ZWILCH: variants seen among roughly 807,000 people sequenced by gnomAD.
ZWILCH encodes zwilch kinetochore protein.
In ZWILCH, 74 loss-of-function variants were observed where a neutral mutation model predicts 79.9. That is an observed-to-expected ratio of 0.93 (90% confidence interval 0.77 to 1.12). The LOEUF (loss-of-function observed/expected upper bound fraction) is 1.12, where lower values mean the gene tolerates loss of function less well. Ranked by LOEUF, ZWILCH falls within the 50% of genes most tolerant of loss-of-function variation. The pLI is 0.00. For synonymous variants in ZWILCH, 241 were observed against 228.2 expected (o/e 1.06, Z -0.51); for missense variants, 694 against 687.5 (o/e 1.01, Z -0.11).
At position 66,522,431 on chromosome 15, in the gene ZWILCH, G is replaced by A. The variant is rs77797620; in HGVS notation, c.747+1226G>A. The stretch of plus-strand genomic sequence containing the variant: ...TTACTGCAGTCTCTGCCTCCCTCCC[G>A]GGTTCAAGCAGTTCTCCTGCCTCAG... On this transcript the variant is annotated intron_variant, in intron 7 of 18. Transcript: ENST00000307897. 5.4e-3 allele frequency among the ~76,000 whole-genome samples: 811 copies of A among 149,180 alleles called. 8 individuals are homozygous for A. Among genetic ancestry groups the A allele is most frequent in the African/African-American group, 0.019 (775 of 40,366 alleles).
At chr15:66,547,226 C>T (rs1191762190) in intron 18 of ZWILCH, 2 of 127,730 alleles carry the variant, frequency 1.6e-5, no homozygotes, top group African/African-American at 6.0e-5. Context: ...GAGACACAGT[C>T]CCGCTCTGTC....
At chr15:66,520,750 G>A (rs766950429) in intron 6 of ZWILCH, 90 bp downstream of exon 6, 53 of 826,362 alleles carry the variant, frequency 6.4e-5, no homozygotes, top group Non-Finnish European at 7.6e-5. Flanking sequence ...CTCCTAAGAT[G>A]ACTAGATATT....
intron 5 of ZWILCH, among the ~76,000 whole-genome samples, chr15:66,519,354 T>C (rs955698730): frequency 3.3e-5 from 5 of 152,250 alleles, no homozygotes; most frequent in Middle Eastern, 3.2e-3. Context: ...AAAAATTTCA[T>C]TGGAAGATAC....
intron 15 of ZWILCH, among the ~76,000 whole-genome samples, chr15:66,536,589 A>G (rs1895022537): frequency 6.6e-6 from 1 of 152,184 alleles, no homozygotes; most frequent in Non-Finnish European, 1.5e-5. Flanking sequence ...GAGGCCTCAA[A>G]CTAGGAAGTG....
chr15:66,536,158 T>A (rs1895011050), intron 15 of ZWILCH, 89 bp downstream of exon 15: 2 of 1,191,922 alleles, frequency 1.7e-6, no homozygotes, highest in East Asian at 5.1e-5. Context: ...TATTACCAGT[T>A]AGGATAGAAC....
intron 14 of ZWILCH, 125 bp from the exon 15 acceptor site, chr15:66,535,808 T>C (rs1226646581): frequency 1.4e-6 from 1 of 711,914 alleles, no homozygotes; most frequent in Non-Finnish European, 2.2e-6. Context: ...CTTCTTCTGG[T>C]CTTTTTTTTT....
intron 14 of ZWILCH, among the ~76,000 whole-genome samples, 153 bp from the exon 15 acceptor site, chr15:66,535,780 G>A (rs1217933668): frequency 6.6e-6 from 1 of 151,064 alleles, no homozygotes; most frequent in Non-Finnish European, 1.5e-5. Context: ...GTATTGAAAG[G>A]TGAGAAATTC....
Position 66,548,506 on chromosome 15 carries a change from A to G in ZWILCH, c.*182A>G. The G allele has an allele frequency of 1.9e-6, 3 of 1,601,650 alleles. No homozygotes were observed. Among genetic ancestry groups the G allele is most frequent in the Non-Finnish European group, 8.6e-7 (1 of 1,169,214 alleles). ...AATCCTGTCTCAGCTCTGCCTCCTC[A>G]GGAGGAGCATTAGTAGAACAGCAGT... is the stretch of plus-strand genomic sequence containing the variant. On this transcript the variant is annotated 3_prime_UTR_variant, in exon 19 of 19. Coordinates refer to ENST00000307897, the MANE Select transcript of ZWILCH (RefSeq NM_017975.5).
chr15:66,506,832 TC>T, intron 1 of ZWILCH, among the ~76,000 whole-genome samples: 1 of 150,654 alleles, frequency 6.6e-6, no homozygotes, highest in Non-Finnish European at 1.5e-5. Context: ...AATAAATAAG[TC>T]CTCTATTGAT....
Position 66,537,168 on chromosome 15 carries a change from G to C in ZWILCH, c.1479G>C (p.Gln493His). 1.2e-6 allele frequency: 2 copies of C among 1,609,964 alleles called. No individual in the cohort carries two copies. Among genetic ancestry groups the C allele is most frequent in the Non-Finnish European group, 1.7e-6 (2 of 1,178,486 alleles). ...SQHELLFSLT[Q>H]ICIKYYKQNP... ...AAGAGGTTCCATTTTGTTTTTTCAG[G>C]ATCTGCATAAAGTATTACAAACAAA... Residue 493 changes from glutamine to histidine, a missense_variant and splice_region_variant, in exon 16 of 19, where the codon CAG becomes CAC. By Grantham distance (24) the Gln-to-His change is conservative. Coordinates refer to ENST00000307897, the MANE Select transcript of ZWILCH (RefSeq NM_017975.5).
rs1895507606 is a variant in ZWILCH at position 66,549,369 on chromosome 15, A to G, written c.*1045A>G. On this transcript the variant is annotated 3_prime_UTR_variant, in exon 19 of 19. Transcript: ENST00000307897. Reference sequence around the variant, plus strand: ...CTGTAAAAATAGCTAGTTTGGTAAGATTTGGTCTCGCACCTTCCATCTTTG... The same window carrying G: ...CTGTAAAAATAGCTAGTTTGGTAAGGTTTGGTCTCGCACCTTCCATCTTTG... 6.6e-6 allele frequency: 1 copy of G among 152,182 alleles called. No homozygotes were observed. Among genetic ancestry groups the G allele is most frequent in the South Asian group, 2.1e-4 (1 of 4,830 alleles). The allele number at this position is 152,182 out of a possible 1,614,324, so 9.4% of individuals were successfully genotyped here.
At chr15:66,536,697 A>G (rs1457054693) in intron 15 of ZWILCH, among the ~76,000 whole-genome samples, 1 of 152,062 alleles carries the variant, frequency 6.6e-6, no homozygotes, top group East Asian at 1.9e-4. Context: ...TAGAGGGGAA[A>G]GTTTGAAATT....
chr15:66,521,069 C>G lies in ZWILCH; in HGVS notation c.611C>G (p.Ala204Gly). 1 of 1,614,098 alleles carries G rather than the reference C, an allele frequency of 6.2e-7. No individual in the cohort carries two copies. Among genetic ancestry groups the G allele is most frequent in the Admixed American group, 1.7e-5 (1 of 60,014 alleles). ...HLSTVTSKGF[A>G]QYELFKSSAL... ...TTTCAGGTAACATCCAAAGGCTTTG[C>G]CCAGTATGAGCTCTTTAAGTCCTCT... The change falls in exon 7 of 19, where the codon GCC (alanine) becomes GGC (glycine). Residue 204 changes from alanine (A) to glycine (G), a missense_variant. Ala to Gly is a moderately conservative substitution (Grantham distance 60, BLOSUM62 0). Coordinates refer to ENST00000307897, the MANE Select transcript of ZWILCH (RefSeq NM_017975.5).
At chr15:66,522,097 C>T (rs1894514236) in intron 7 of ZWILCH, among the ~76,000 whole-genome samples, 2 of 151,704 alleles carry the variant, frequency 1.3e-5, no homozygotes, top group Non-Finnish European at 2.9e-5. Context: ...ACTCGGGAGG[C>T]TGAGGCAGAA....
chr15:66,535,859 G>T, intron 14 of ZWILCH, 74 bp from the exon 15 acceptor site: 2 of 1,310,296 alleles, frequency 1.5e-6, no homozygotes, highest in South Asian at 1.6e-5. Context: ...AGGTGTAGAA[G>T]GCATACCTAT....
At chr15:66,542,413 G>A (rs35254109) in intron 17 of ZWILCH, among the ~76,000 whole-genome samples, 10,530 of 152,132 alleles carry the variant, frequency 0.069, 424 homozygotes, top group Middle Eastern at 0.11. Context: ...GTGAAACTCC[G>A]TCTCTACTGA....
chr15:66,532,446 A>G, intron 13 of ZWILCH, 43 bp downstream of exon 13: 1 of 1,534,106 alleles, frequency 6.5e-7, no homozygotes, highest in Non-Finnish European at 8.9e-7. Context: ...AACACATCAC[A>G]GTTATCAGTC....
In ZWILCH at chr15:66,522,665, C is replaced by A. The variant is rs150680225; in HGVS notation, c.748-1012C>A. The stretch of plus-strand genomic sequence containing the variant: ...AGTCTCTAAAAGCCTGTTTTAAAAT[C>A]TTGAATATTAATAATAGGATGTGCT... On this transcript the variant is annotated intron_variant, in intron 7 of 18. Transcript: ENST00000307897. 3.2e-3 allele frequency among the ~76,000 whole-genome samples: 480 copies of A among 151,786 alleles called. 4 individuals are homozygous for A. Among genetic ancestry groups the A allele is most frequent in the African/African-American group, 0.011 (464 of 41,424 alleles).
intron 14 of ZWILCH, among the ~76,000 whole-genome samples, chr15:66,533,828 A>T (rs183522381): frequency 5.3e-5 from 8 of 151,936 alleles, no homozygotes; most frequent in South Asian, 2.1e-4. Flanking sequence ...GAAAATGTTT[A>T]AAAAAAATAC....
Sources: gnomAD v4.1 joint callset for allele counts (sites outside exome capture counted in the v4.1 genomes callset) on GRCh38, gnomAD v4.1.1 for gene constraint, MANE v1.5 for transcripts, NCBI Gene and HGNC (gene_info 2026-07-23, HGNC 2026-07-21) for gene names.